PLS1: variants seen among roughly 807,000 people sequenced by gnomAD.
The protein encoded by PLS1 is plastin 1, also known as plastin-1.
A neutral mutation model predicts 73.7 loss-of-function variants in PLS1; 32 were observed. The observed-to-expected ratio is 0.43, with a 90% CI of 0.33 to 0.58. PLS1 has a LOEUF of 0.58. Among genes scored for constraint, PLS1 ranks in the 20% least tolerant of loss-of-function variants. The pLI is 0.04. For synonymous variants in PLS1, 217 were observed against 261.3 expected, an observed-to-expected ratio of 0.83 and a Z score of 1.63; for missense variants, 633 against 740.5, an observed-to-expected ratio of 0.85 and a Z score of 1.68.
intron 1 of PLS1, among the ~76,000 whole-genome samples, chr3:142,636,889 CA>C (rs2036705276): frequency 6.6e-6 from 1 of 151,978 alleles, no homozygotes. Context: ...TTTGAATGGC[CA>C]AAATTAGAAA....
At chr3:142,598,263 G>C (rs1389513758) in intron 1 of PLS1, among the ~76,000 whole-genome samples, 1 of 152,174 alleles carries the variant, frequency 6.6e-6, no homozygotes. Flanking sequence ...GGAGGTTAAA[G>C]CCTATGACTT....
chr3:142,693,297 G>A (rs1393360884), intron 10 of PLS1, among the ~76,000 whole-genome samples: 1 of 152,172 alleles, frequency 6.6e-6, no homozygotes, highest in African/African-American at 2.4e-5. Context: ...ATCTGACAAG[G>A]CTTGCGTTCC....
intron 1 of PLS1, among the ~76,000 whole-genome samples, chr3:142,624,561 C>T (rs1382238164): frequency 1.3e-5 from 2 of 152,054 alleles, no homozygotes; most frequent in African/African-American, 4.8e-5. Flanking sequence ...TTACATAGAC[C>T]CCAGTGCCAA....
intron 1 of PLS1, among the ~76,000 whole-genome samples, chr3:142,624,648 C>T (rs1003344089): frequency 1.3e-5 from 2 of 152,152 alleles, no homozygotes; most frequent in African/African-American, 4.8e-5. Flanking sequence ...TTGCAGTGAC[C>T]TGAGCTCTTA....
intron 1 of PLS1, among the ~76,000 whole-genome samples, chr3:142,624,624 A>C (rs981128600): frequency 1.5e-4 from 23 of 152,234 alleles, no homozygotes; most frequent in Non-Finnish European, 4.4e-5. Context: ...TAAAAAGTTA[A>C]GTATGTTTTC....
intron 4 of PLS1, among the ~76,000 whole-genome samples, chr3:142,674,494 G>A (rs960825817): frequency 4.6e-5 from 7 of 152,116 alleles, no homozygotes; most frequent in African/African-American, 1.7e-4. Context: ...TGATGGAAAT[G>A]GGGATTATTT....
chr3:142,712,154 A>G lies in PLS1; in HGVS notation c.*147A>G. 1.4e-6 allele frequency: 1 copy of G among 716,194 alleles called. No homozygotes were observed. The highest frequency in any genetic ancestry group is 2.3e-6 in the Non-Finnish European group (1 of 439,196). 44.4% of individuals were successfully genotyped at this position (716,194 alleles called of 1,614,324 possible). On this transcript the variant is annotated 3_prime_UTR_variant, in exon 16 of 16. Coordinates refer to ENST00000457734, the MANE Select transcript of PLS1 (RefSeq NM_001145319.2). ...TTAATGAATTCAATATCCTGTTCATACTAGTTAGAGCTGGTCAGCCTTTTT... is the reference window on the plus strand; with the variant it reads ...TTAATGAATTCAATATCCTGTTCATGCTAGTTAGAGCTGGTCAGCCTTTTT...
intron 3 of PLS1, among the ~76,000 whole-genome samples, 168 bp from the exon 4 acceptor site, chr3:142,670,825 T>A (rs1577869337): frequency 6.6e-6 from 1 of 152,314 alleles, no homozygotes; most frequent in East Asian, 1.9e-4. Context: ...TTTGTCTATT[T>A]TGTGTTATTG....
At chr3:142,686,437 AT>A in intron 9 of PLS1, 61 bp downstream of exon 9, 1 of 981,146 alleles carries the variant, frequency 1.0e-6, no homozygotes, top group Non-Finnish European at 1.7e-6. Flanking sequence ...AAAATTTACC[AT>A]TTTTATCATT....
intron 14 of PLS1, among the ~76,000 whole-genome samples, chr3:142,707,362 CCTTG>C (rs1426346479): frequency 1.5e-5 from 2 of 137,926 alleles, no homozygotes; most frequent in Non-Finnish European, 3.2e-5. Flanking sequence ...CATAAATTTC[CCTTG>C]CTAAGAAGAC....
At chr3:142,640,286 G>A (rs546842919) in intron 1 of PLS1, among the ~76,000 whole-genome samples, 1 of 152,188 alleles carries the variant, frequency 6.6e-6, no homozygotes, top group South Asian at 2.1e-4. Context: ...TAGGGTTTTA[G>A]TGACTTTCTG....
At chr3:142,673,373 A>G (rs923562085) in intron 4 of PLS1, among the ~76,000 whole-genome samples, 8 of 152,118 alleles carry the variant, frequency 5.3e-5, no homozygotes, top group African/African-American at 1.7e-4. Flanking sequence ...TCTATGGGCA[A>G]TACCACATTT....
chr3:142,635,033 C>T (rs993959970), intron 1 of PLS1, among the ~76,000 whole-genome samples: 1 of 151,980 alleles, frequency 6.6e-6, no homozygotes, highest in African/African-American at 2.4e-5. Context: ...GTGATCCTCC[C>T]AACCTTAGCC....
chr3:142,644,968 C>T (rs921706499), intron 1 of PLS1, among the ~76,000 whole-genome samples: 3 of 152,168 alleles, frequency 2.0e-5, no homozygotes, highest in Non-Finnish European at 4.4e-5. Context: ...CCCTAAGGGG[C>T]ATTCATCTTT....
intron 1 of PLS1, among the ~76,000 whole-genome samples, chr3:142,641,291 TATATAG>T (rs2036833962): frequency 6.8e-6 from 1 of 146,418 alleles, no homozygotes; most frequent in Non-Finnish European, 1.5e-5. Flanking sequence ...ATCTATATTA[TATATAG>T]ATAAATAATA....
At chr3:142,655,253 G>A (rs2037197164) in intron 1 of PLS1, among the ~76,000 whole-genome samples, 1 of 152,176 alleles carries the variant, frequency 6.6e-6, no homozygotes, top group African/African-American at 2.4e-5. Flanking sequence ...TGGGGGAATC[G>A]GCCTTCCAAG....
intron 1 of PLS1, among the ~76,000 whole-genome samples, chr3:142,627,591 A>G (rs1405393251): frequency 1.3e-5 from 2 of 152,058 alleles, no homozygotes; most frequent in African/African-American, 4.8e-5. Flanking sequence ...AATTATGGTT[A>G]TATGTGTACA....
intron 3 of PLS1, 50 bp downstream of exon 3, chr3:142,669,603 A>G (rs370142863): frequency 1.5e-6 from 2 of 1,342,774 alleles, no homozygotes; most frequent in Non-Finnish European, 2.1e-6. Flanking sequence ...TTAGAGCAGA[A>G]TTGTAGTAAT....
rs75187308 is a variant in PLS1 at position 142,606,534 on chromosome 3, G to A, written c.-37+10025G>A. On this transcript the variant is annotated intron_variant, in intron 1 of 15. Coordinates refer to ENST00000457734, the MANE Select transcript of PLS1 (RefSeq NM_001145319.2). Reference sequence around the variant, plus strand: ...ATCATACAATTCTCCAATTTAAACTGTATAGTCAGTTTTACAATATTTTAA... The same window carrying A: ...ATCATACAATTCTCCAATTTAAACTATATAGTCAGTTTTACAATATTTTAA... 8.7e-3 allele frequency among the ~76,000 whole-genome samples: 1,319 copies of A among 152,148 alleles called. 21 individuals are homozygous for A. Among genetic ancestry groups the A allele is most frequent in the African/African-American group, 0.029 (1,215 of 41,480 alleles).
Sources: allele counts gnomAD v4.1 joint callset (sites outside exome capture counted in the v4.1 genomes callset), GRCh38; gene constraint gnomAD v4.1.1; transcripts MANE v1.5; gene names NCBI Gene and HGNC (gene_info 2026-07-23, HGNC 2026-07-21).